Variants in ATP2A3 observed in about 807,000 individuals in gnomAD.
ATP2A3 encodes sarcoplasmic/endoplasmic reticulum calcium ATPase 3.
Under a neutral mutation model 106.8 loss-of-function variants are expected in ATP2A3, and 61 were observed. That is an observed-to-expected ratio of 0.57 (90% CI 0.46 to 0.71). ATP2A3 has a LOEUF of 0.71. ATP2A3 is among the 30% of genes least tolerant of loss of function. The pLI is 0.00. For missense variants in ATP2A3, 1,201 were observed against 1,423.5 expected, an observed-to-expected ratio of 0.84 and a Z score of 2.52; for synonymous variants, 611 against 609.3, an observed-to-expected ratio of 1.00 and a Z score of -0.04.
chr17:3,955,708 T>C lies in ATP2A3; in HGVS notation c.119-1998A>G, dbSNP rs1428805742. Among the ~76,000 whole-genome samples, 1 of 152,054 alleles carries C rather than the reference T, an allele frequency of 6.6e-6. No homozygotes were observed. Among genetic ancestry groups the C allele is most frequent in the Non-Finnish European group, 1.5e-5 (1 of 67,998 alleles). ...CTTGTGCTGGGCTCTTCCCGGGGGA[T>C]GCCTGTAACCCTCACCTTTCTTTAT... On this transcript the variant is annotated intron_variant, in intron 1 of 20. Coordinates refer to ENST00000397041, the MANE Select transcript of ATP2A3 (RefSeq NM_005173.4). This position sits in a 1 kb window ranked among gnomAD's most constrained non-coding sequence, Gnocchi z 4.2.
chr17:3,935,114 G>A (rs961725153), intron 17 of ATP2A3, 78 bp downstream of exon 17: 1 of 1,458,096 alleles, frequency 6.9e-7, no homozygotes, highest in Non-Finnish European at 9.6e-7. Context: ...CACCCATGCG[G>A]CTCTAGACCC....
intron 14 of ATP2A3, among the ~76,000 whole-genome samples, chr17:3,939,808 A>AG (rs1567693253): frequency 6.7e-6 from 1 of 150,074 alleles, no homozygotes; most frequent in Non-Finnish European, 1.5e-5. Flanking sequence ...AAAAAAAAAA[A>AG]AAAAGCAATA....
chr17:3,944,767 G>A lies in ATP2A3; in HGVS notation c.1224C>T (p.Asp408=), dbSNP rs750309947. 3 of 1,612,834 alleles carry A rather than the reference G, an allele frequency of 1.9e-6. No individual in the cohort carries two copies. The highest frequency in any genetic ancestry group is 2.5e-6 in the Non-Finnish European group (3 of 1,179,574). ...AGATGGTCGCCAGCTCCACCAGCCC[G>A]TCGAACTGGCCGCAGCGCACAGGCT... ...GDQPVRCGQF[D]GLVELATICA... is the part of the protein sequence containing the mutation. Residue 408 remains aspartate, a synonymous_variant, in exon 10 of 21, where the codon GAC becomes GAT. Coordinates refer to ENST00000397041, the MANE Select transcript of ATP2A3 (RefSeq NM_005173.4).
chr17:3,945,007 C>G (rs2054026708), intron 9 of ATP2A3, 53 bp downstream of exon 9: 6 of 1,418,222 alleles, frequency 4.2e-6, no homozygotes, highest in Non-Finnish European at 5.6e-6. Flanking sequence ...CGCCGCCACG[C>G]GTGGCCCCGC....
In ATP2A3 at chr17:3,954,768, T is replaced by C. The variant is rs545433983; in HGVS notation, c.119-1058A>G. Among the ~76,000 whole-genome samples the C allele has an allele frequency of 2.5e-3, 382 of 152,128 alleles. 3 individuals are homozygous for C. The highest frequency in any genetic ancestry group is 8.6e-3 in the African/African-American group (358 of 41,494). The stretch of plus-strand genomic sequence containing the variant: ...CCTCGGCCTCCCAAAGTGCTGGGAT[T>C]ACAGGCGTGAGCCACCGCCCAGGCC... On this transcript the variant is annotated intron_variant, in intron 1 of 20. Transcript: ENST00000397041.
At position 3,943,381 on chromosome 17, in the gene ATP2A3, C is replaced by T. The variant is rs71366582; in HGVS notation, c.1419+10G>A. The T allele has an allele frequency of 0.19, 303,194 of 1,613,368 alleles. 29,687 individuals are homozygous for T. The highest frequency in any genetic ancestry group is 0.28 in the Middle Eastern group (1,699 of 6,062). On this transcript the variant is annotated intron_variant, in intron 11 of 20. Coordinates refer to ENST00000397041, the MANE Select transcript of ATP2A3 (RefSeq NM_005173.4). ...TGCAGCCGGAGGCCTGAGCCCCCAGCCCTGCTCACCGTGTTACAGGCGCCA... is the reference window on the plus strand; with the variant it reads ...TGCAGCCGGAGGCCTGAGCCCCCAGTCCTGCTCACCGTGTTACAGGCGCCA...
intron 17 of ATP2A3, among the ~76,000 whole-genome samples, chr17:3,934,739 T>A (rs946704794): frequency 6.6e-6 from 1 of 150,816 alleles, no homozygotes; most frequent in African/African-American, 2.4e-5. Flanking sequence ...GGACGGCTGG[T>A]CTCGAACTCC....
In ATP2A3 at chr17:3,936,703, G is replaced by T; in HGVS notation, c.2322-234C>A. Reference sequence around the variant, plus strand: ...GGATCCTGGACATACCTGCTCTTTAGGCCTAGCAGAGGCCAAGTACACACA... The same window carrying T: ...GGATCCTGGACATACCTGCTCTTTATGCCTAGCAGAGGCCAAGTACACACA... On this transcript the variant is annotated intron_variant, in intron 15 of 20. Transcript: ENST00000397041. This position sits in a 1 kb window ranked among gnomAD's most constrained non-coding sequence, Gnocchi z 5.4. 1 of 554,582 alleles carries T rather than the reference G, an allele frequency of 1.8e-6. No homozygotes were observed. Among genetic ancestry groups the T allele is most frequent in the Non-Finnish European group, 3.3e-6 (1 of 305,920 alleles). The allele number at this position is 554,582 out of a possible 1,614,324, so 34.4% of individuals were successfully genotyped here.
In ATP2A3 at chr17:3,953,819, C is replaced by T; in HGVS notation, c.119-109G>A. ...GCCTCCCCACCGTGCCCGCCCAGAC[C>T]CCCACCACGGACTGGATGTATCCCC... On this transcript the variant is annotated intron_variant, in intron 1 of 20. Transcript: ENST00000397041. The surrounding 1 kb of genome is among the most constrained non-coding windows in gnomAD (Gnocchi z 5.1). The T allele has an allele frequency of 8.2e-7, 1 of 1,215,724 alleles. No homozygotes were observed. The highest frequency in any genetic ancestry group is 1.2e-6 in the Non-Finnish European group (1 of 843,102). The allele number at this position is 1,215,724 out of a possible 1,614,324, so 75.3% of individuals were successfully genotyped here. A position where few individuals can be genotyped will look rare whatever the true frequency, so the allele number is the denominator to read the frequency against.
At chr17:3,945,382 A>C (rs573199508) in intron 8 of ATP2A3, 1 of 453,540 alleles carries the variant, frequency 2.2e-6, no homozygotes, top group East Asian at 3.8e-5. Context: ...TGGACTTCTG[A>C]GGGATTTATG....
rs751175395 is a variant in ATP2A3 at position 3,950,577 on chromosome 17, G to A, written c.564C>T (p.Thr188=). 1 of 1,614,140 alleles carries A rather than the reference G, an allele frequency of 6.2e-7. No homozygotes were observed. The highest frequency in any genetic ancestry group is 2.2e-5 in the East Asian group (1 of 44,878). The change falls in exon 7 of 21, where the codon ACC becomes ACT. Residue 188 remains threonine (T), a synonymous_variant. Transcript: ENST00000397041. ...SILTGESVSV[T]KHTEAIPDPR... is the part of the protein sequence containing the mutation. ...GGTCTGGGATGGCCTCTGTGTGCTT[G>A]GTCACGGACACAGATTCACCTGGTC...
chr17:3,933,483 A>G (rs1019622584), intron 17 of ATP2A3, among the ~76,000 whole-genome samples: 2 of 150,290 alleles, frequency 1.3e-5, no homozygotes, highest in Admixed American at 1.3e-4. Flanking sequence ...CACGCCTGTG[A>G]TCCCAGCACT....
At chr17:3,942,867 C>T in intron 11 of ATP2A3, 136 bp from the exon 12 acceptor site, 1 of 1,333,704 alleles carries the variant, frequency 7.5e-7, no homozygotes, top group African/African-American at 1.4e-5. Flanking sequence ...CCCCACCATT[C>T]AAGGCCTCCA....
At position 3,929,175 on chromosome 17, in the gene ATP2A3, T is replaced by C. The variant is rs1450141980; in HGVS notation, c.2862+153A>G. Among the ~76,000 whole-genome samples, 1 of 152,036 alleles carries C rather than the reference T, an allele frequency of 6.6e-6. No individual in the cohort carries two copies. The highest frequency in any genetic ancestry group is 6.5e-5 in the Admixed American group (1 of 15,280). On this transcript the variant is annotated intron_variant, in intron 19 of 20. Transcript: ENST00000397041. The surrounding 1 kb of genome is among the most constrained non-coding windows in gnomAD (Gnocchi z 4.3). ...CCCCAGGTCTGGGAGCTCCTGAAGG[T>C]GGGGCCACAGCTGGAGGTGGTGGCT...
intron 16 of ATP2A3, among the ~76,000 whole-genome samples, 186 bp from the exon 17 acceptor site, chr17:3,935,463 T>C (rs8068362): frequency 0.15 from 22,752 of 151,430 alleles, 1,862 homozygotes; most frequent in Middle Eastern, 0.21. Context: ...GCATCTGCCA[T>C]ACCCTTGGCC....
intron 1 of ATP2A3, among the ~76,000 whole-genome samples, chr17:3,954,185 C>T (rs1037497958): frequency 6.6e-6 from 1 of 152,152 alleles, no homozygotes; most frequent in African/African-American, 2.4e-5. Flanking sequence ...AAATGGAGAA[C>T]ACCAGCTCAG....
Position 3,947,548 on chromosome 17 carries a change from GC to G in ATP2A3, c.937del (p.Ala313LeufsTer57). The G allele has an allele frequency of 6.2e-7, 1 of 1,613,134 alleles. No individual in the cohort carries two copies. Among genetic ancestry groups the G allele is most frequent in the Non-Finnish European group, 8.5e-7 (1 of 1,179,944 alleles). Reference sequence around the variant, plus strand: ...CAGTGCCAGGCATGTAGTGATGACAGCCGGGAGGCCCTCGGGGATGGCCGCC... The same window carrying G: ...CAGTGCCAGGCATGTAGTGATGACAGCGGGAGGCCCTCGGGGATGGCCGCC... ...AVAAIPEGLP[A>X]VITTCLALGT... On this transcript the variant is annotated frameshift_variant, in exon 8 of 21. Transcript: ENST00000397041. LOFTEE classifies it high-confidence loss of function. This position sits in a 1 kb window ranked among gnomAD's most constrained non-coding sequence, Gnocchi z 7.7.
chr17:3,944,360 G>A (rs1449097467), intron 10 of ATP2A3, among the ~76,000 whole-genome samples: 1 of 152,004 alleles, frequency 6.6e-6, no homozygotes, highest in Admixed American at 6.5e-5. Context: ...TGCCTAAGTC[G>A]CAGGAGGCTT....
Position 3,928,424 on chromosome 17 carries a change from CA to C in ATP2A3, c.2980+238del, listed in dbSNP as rs1597562519. 1 of 1,245,464 alleles carries C rather than the reference CA, an allele frequency of 8.0e-7. No homozygotes were observed. The highest frequency in any genetic ancestry group is 2.5e-5 in the East Asian group (1 of 39,932). 77.2% of individuals were successfully genotyped at this position (1,245,464 alleles called of 1,614,324 possible). On this transcript the variant is annotated intron_variant, in intron 20 of 20. Transcript: ENST00000397041. The surrounding 1 kb of genome is among the most constrained non-coding windows in gnomAD (Gnocchi z 6.1). ...GTGAAGACAGTGAGGCAGTGTGGCC[CA>C]AGAGGTGCTCCCGTTGCTGGCCCAG...
Sources: gnomAD v4.1 joint callset for allele counts (sites outside exome capture counted in the v4.1 genomes callset) on GRCh38, gnomAD v4.1.1 for gene constraint, Gnocchi (gnomAD v3.1) non-coding constraint, MANE v1.5 for transcripts, NCBI Gene and HGNC (gene_info 2026-07-23, HGNC 2026-07-21) for gene names.